Variants in ADAM12 observed in about 807,000 individuals in gnomAD.
ADAM12 encodes the protein ADAM metallopeptidase domain 12, also known as disintegrin and metalloproteinase domain-containing protein 12.
A neutral mutation model predicts 106.4 loss-of-function variants in ADAM12; 70 were observed. That is an observed-to-expected ratio of 0.66 (90% CI 0.54 to 0.80). The LOEUF (loss-of-function observed/expected upper bound fraction) is 0.80, where lower values mean the gene tolerates loss of function less well. Among genes scored for constraint, ADAM12 ranks in the 30% least tolerant of loss-of-function variants. The pLI, the probability that ADAM12 is intolerant of heterozygous loss-of-function variation, is 0.00. For missense variants in ADAM12, 1,010 were observed against 1,171.9 expected (o/e 0.86, Z 2.02); for synonymous variants, 420 against 433.5 (o/e 0.97, Z 0.39).
chr10:126,384,061 T>C (rs1856575219), intron 1 of ADAM12, among the ~76,000 whole-genome samples: 1 of 152,176 alleles, frequency 6.6e-6, no homozygotes, highest in Non-Finnish European at 1.5e-5. Flanking sequence ...CTGCCTGGAA[T>C]GCAGATATGA....
At position 126,015,316 on chromosome 10, in the gene ADAM12, C is replaced by T. The variant is rs1953643686; in HGVS notation, c.*1963G>A. 1 of 152,194 alleles carries T rather than the reference C, an allele frequency of 6.6e-6. No individual in the cohort carries two copies. Among genetic ancestry groups the T allele is most frequent in the Non-Finnish European group, 1.5e-5 (1 of 68,026 alleles). The allele number at this position is 152,194 out of a possible 1,614,324, so 9.4% of individuals were successfully genotyped here. On this transcript the variant is annotated 3_prime_UTR_variant, in exon 23 of 23. Transcript: ENST00000448723. ...TGGAGGAAGGGCTAACATGCCAGAT[C>T]TAAGGATTTGGGCATCTAAAAAGAC...
chr10:126,177,002 A>G (rs1957230605), intron 3 of ADAM12, among the ~76,000 whole-genome samples: 2 of 152,004 alleles, frequency 1.3e-5, no homozygotes, highest in African/African-American at 4.8e-5. Context: ...TCACCTTTTT[A>G]AGCAGGAGTG....
chr10:126,267,224 A>C (rs11244924), intron 3 of ADAM12, among the ~76,000 whole-genome samples: 41,212 of 151,972 alleles, frequency 0.27, 5,698 homozygotes, highest in South Asian at 0.38. Flanking sequence ...TCATTAGCTC[A>C]GAAGAGTCAC....
At chr10:126,135,731 C>A in intron 4 of ADAM12, 71 bp from the exon 5 acceptor site, 1 of 1,313,174 alleles carries the variant, frequency 7.6e-7, no homozygotes, top group East Asian at 2.4e-5. Flanking sequence ...AAATCAACTG[C>A]CTCTTGTTTT....
chr10:126,130,156 A>G (rs541903282), intron 5 of ADAM12, among the ~76,000 whole-genome samples: 10 of 151,296 alleles, frequency 6.6e-5, no homozygotes, highest in African/African-American at 2.4e-4. Flanking sequence ...TTTCTTTCTT[A>G]ACAGCTAGCA....
intron 3 of ADAM12, among the ~76,000 whole-genome samples, chr10:126,249,257 G>A (rs138475885): frequency 2.6e-3 from 384 of 150,538 alleles, no homozygotes; most frequent in African/African-American, 8.9e-3. Context: ...CACAGCTAAT[G>A]GCCAATAGAA....
intron 3 of ADAM12, among the ~76,000 whole-genome samples, chr10:126,172,032 G>A (rs75917702): frequency 0.088 from 13,370 of 152,162 alleles, 621 homozygotes; most frequent in Middle Eastern, 0.15. Flanking sequence ...ATGACTAAAA[G>A]ATGTAATTTA....
At chr10:126,352,363 T>C (rs185364578) in intron 1 of ADAM12, among the ~76,000 whole-genome samples, 19 of 152,346 alleles carry the variant, frequency 1.2e-4, no homozygotes, top group African/African-American at 3.4e-4. Context: ...ATTTAGAATA[T>C]TGAAGTACAA....
In ADAM12 at chr10:126,262,862, G is replaced by A. The variant is rs548676102; in HGVS notation, c.260+16053C>T. On this transcript the variant is annotated intron_variant, in intron 3 of 22. Transcript: ENST00000448723. ...CCCACCCTGCCTCCAACCCACAGGT[G>A]GGGTACTCCATGCTGGCTTCATCAT... is the stretch of plus-strand genomic sequence containing the variant. Among the ~76,000 whole-genome samples the A allele has an allele frequency of 5.4e-4, 83 of 152,294 alleles. No homozygotes were observed. The South Asian group carries it at 5.8e-3, about 11-fold the overall frequency.
At chr10:126,367,193 T>C (rs575546336) in intron 1 of ADAM12, among the ~76,000 whole-genome samples, 3 of 151,728 alleles carry the variant, frequency 2.0e-5, no homozygotes, top group South Asian at 2.1e-4. Flanking sequence ...CTCTAACAAA[T>C]GTAAAGATAA....
chr10:126,245,510 G>A (rs1053393994), intron 3 of ADAM12, among the ~76,000 whole-genome samples: 2 of 152,186 alleles, frequency 1.3e-5, no homozygotes, highest in Non-Finnish European at 2.9e-5. Context: ...ACTGGGCAGT[G>A]GGCAGGAGGT....
At chr10:126,299,685 C>T (rs1046034665) in intron 2 of ADAM12, among the ~76,000 whole-genome samples, 1 of 152,040 alleles carries the variant, frequency 6.6e-6, no homozygotes, top group African/African-American at 2.4e-5. Context: ...ACTCTGTTGC[C>T]CAGGCTGGAG....
Position 126,019,383 on chromosome 10 carries a change from G to C in ADAM12, c.2660+312C>G, listed in dbSNP as rs537097253. On this transcript the variant is annotated intron_variant, in intron 22 of 22. Coordinates refer to ENST00000448723, the MANE Select transcript of ADAM12 (RefSeq NM_001288973.2). ...AGTCTTCATACTGTCATGCTACTTGGTAGCTCCTCTTTTTCTTTGTGTCTT... is the reference window on the plus strand; with the variant it reads ...AGTCTTCATACTGTCATGCTACTTGCTAGCTCCTCTTTTTCTTTGTGTCTT... Among the ~76,000 whole-genome samples the C allele has an allele frequency of 4.0e-4, 54 of 133,534 alleles. No individual in the cohort carries two copies. The South Asian group carries it at 5.3e-3, about 13-fold the overall frequency. The allele number at this position is 133,534 out of a possible 152,430, so 87.6% of individuals were successfully genotyped here. A position where few individuals can be genotyped will look rare whatever the true frequency, so the allele number is the denominator to read the frequency against.
intron 2 of ADAM12, among the ~76,000 whole-genome samples, chr10:126,313,098 G>A (rs1371313386): frequency 6.6e-6 from 1 of 152,178 alleles, no homozygotes; most frequent in East Asian, 1.9e-4. Flanking sequence ...TCATGAGGGT[G>A]CAGTCATCAC....
intron 3 of ADAM12, among the ~76,000 whole-genome samples, chr10:126,186,711 A>T (rs1425983073): frequency 1.3e-5 from 2 of 152,132 alleles, no homozygotes; most frequent in Non-Finnish European, 2.9e-5. Flanking sequence ...AGGGGGCAAG[A>T]GGCAGGTCAT....
At chr10:126,042,934 A>T in intron 18 of ADAM12, 106 bp downstream of exon 18, 1 of 1,109,010 alleles carries the variant, frequency 9.0e-7, no homozygotes, top group Non-Finnish European at 1.3e-6. Context: ...TGGGGTCCCC[A>T]CTGGGTTTCT....
intron 1 of ADAM12, among the ~76,000 whole-genome samples, chr10:126,347,383 A>G (rs1855184746): frequency 6.6e-6 from 1 of 152,224 alleles, no homozygotes; most frequent in Non-Finnish European, 1.5e-5. Context: ...GTTTCTGCTG[A>G]GAGATCAGCT....
intron 9 of ADAM12, among the ~76,000 whole-genome samples, chr10:126,100,431 C>T (rs903361294): frequency 8.6e-5 from 13 of 151,490 alleles, no homozygotes; most frequent in Admixed American, 3.9e-4. Context: ...CGGCCTGGCG[C>T]GGTGGCTCAT....
In ADAM12 at chr10:126,350,244, G is replaced by C. The variant is rs890373073; in HGVS notation, c.89-19735C>G. 2.7e-5 allele frequency among the ~76,000 whole-genome samples: 4 copies of C among 147,476 alleles called. No homozygotes were observed. In the Admixed American group the frequency reaches 2.7e-4, roughly 10 times the overall value. On this transcript the variant is annotated intron_variant, in intron 1 of 22. Coordinates refer to ENST00000448723, the MANE Select transcript of ADAM12 (RefSeq NM_001288973.2). The stretch of plus-strand genomic sequence containing the variant: ...CTAAAGATTACTGTTCATGTCAAGG[G>C]CTGGGTGGGGAGCAAAGAAATTGTC...
Sources: allele counts gnomAD v4.1 joint callset (sites outside exome capture counted in the v4.1 genomes callset), GRCh38; gene constraint gnomAD v4.1.1; transcripts MANE v1.5; gene names NCBI Gene and HGNC (gene_info 2026-07-23, HGNC 2026-07-21).